VDAC1: variants seen among roughly 807,000 people sequenced by gnomAD.
The protein encoded by VDAC1 is voltage dependent anion channel 1.
In VDAC1, 10 loss-of-function variants were observed where a neutral mutation model predicts 34.7. The observed-to-expected ratio is 0.29, with a 90% CI of 0.18 to 0.49. VDAC1 has a LOEUF of 0.49. Ranked by LOEUF, VDAC1 falls within the 20% of genes least tolerant of loss-of-function variation. The pLI, the probability that VDAC1 is intolerant of heterozygous loss-of-function variation, is 0.99. For missense variants in VDAC1, 230 were observed against 347.9 expected (o/e 0.66, Z 2.69); for synonymous variants, 130 against 136.0 (o/e 0.96, Z 0.30).
At chr5:134,013,560 C>A in the VDAC1 span, among the ~76,000 whole-genome samples, 1 of 152,148 alleles carries the variant, frequency 6.6e-6, no homozygotes, top group Non-Finnish European at 1.5e-5. Context: ...AAAATATTTA[C>A]AAACTACGCA....
At chr5:134,093,662 A>G in the VDAC1 span, among the ~76,000 whole-genome samples, 3 of 152,204 alleles carry the variant, frequency 2.0e-5, no homozygotes, top group Non-Finnish European at 4.4e-5. Flanking sequence ...GCCGGCAGAG[A>G]GAAGCATTCC....
At chr5:134,075,784 A>G in the VDAC1 span, among the ~76,000 whole-genome samples, 1 of 151,756 alleles carries the variant, frequency 6.6e-6, no homozygotes, top group African/African-American at 2.4e-5. Context: ...ACGGGGTTTC[A>G]CCATGTTAGC....
chr5:134,036,260 A>G, the VDAC1 span, among the ~76,000 whole-genome samples: 2 of 152,210 alleles, frequency 1.3e-5, no homozygotes, highest in African/African-American at 4.8e-5. Flanking sequence ...AAGGAGGCAC[A>G]TAAACATCAT....
the VDAC1 span, among the ~76,000 whole-genome samples, chr5:134,027,152 G>T: frequency 1.3e-5 from 2 of 152,166 alleles, no homozygotes; most frequent in Admixed American, 1.3e-4. Context: ...TCTAGCCCAG[G>T]ATATCAACAG....
At chr5:134,016,256 C>A in the VDAC1 span, among the ~76,000 whole-genome samples, 1 of 152,154 alleles carries the variant, frequency 6.6e-6, no homozygotes, top group Non-Finnish European at 1.5e-5. Context: ...AGTGCTGGTA[C>A]CTGTGACGTT....
At chr5:134,091,252 T>C in the VDAC1 span, among the ~76,000 whole-genome samples, 1 of 152,204 alleles carries the variant, frequency 6.6e-6, no homozygotes, top group African/African-American at 2.4e-5. Context: ...GCACGGCTTG[T>C]GCCCTGGAAA....
intron 1 of VDAC1, among the ~76,000 whole-genome samples, chr5:133,993,965 A>G (rs1488873601): frequency 6.6e-6 from 1 of 152,180 alleles, no homozygotes; most frequent in East Asian, 1.9e-4. Flanking sequence ...TGCATGAGAA[A>G]GCCTCATCTC....
At chr5:133,986,787 C>A (rs1426241941) in intron 5 of VDAC1, among the ~76,000 whole-genome samples, 1 of 152,014 alleles carries the variant, frequency 6.6e-6, no homozygotes, top group East Asian at 1.9e-4. Context: ...ACTAGATGAG[C>A]GTGGTACACT....
At chr5:134,074,305 A>AAAATAAAT in the VDAC1 span, among the ~76,000 whole-genome samples, 646 of 136,766 alleles carry the variant, frequency 4.7e-3, 3 homozygotes, top group Non-Finnish European at 7.0e-3. Context: ...ACTCCATCTC[A>AAAATAAAT]AAATAAATAA....
chr5:134,033,768 G>A, the VDAC1 span, among the ~76,000 whole-genome samples: 7 of 151,726 alleles, frequency 4.6e-5, no homozygotes, highest in South Asian at 2.1e-4. Flanking sequence ...CAAGGCGGGC[G>A]GATCACGAGG....
chr5:133,990,705 G>A, intron 5 of VDAC1, 150 bp downstream of exon 5: 1 of 842,562 alleles, frequency 1.2e-6, no homozygotes, highest in East Asian at 2.7e-5. Context: ...CGACCCCTGG[G>A]ACCAAATCAA....
chr5:134,098,678 C>T, the VDAC1 span, among the ~76,000 whole-genome samples: 1 of 152,254 alleles, frequency 6.6e-6, no homozygotes, highest in African/African-American at 2.4e-5. Flanking sequence ...AGGCCTTCTG[C>T]ATGAGCTGGG....
chr5:134,089,624 T>C, the VDAC1 span, among the ~76,000 whole-genome samples: 1 of 152,082 alleles, frequency 6.6e-6, no homozygotes, highest in Non-Finnish European at 1.5e-5. Context: ...GCATGCAGAG[T>C]AGCCAGTTCA....
rs926794313 is a variant in VDAC1, at chr5:133,979,830, G to A, written c.551+899C>T. On this transcript the variant is annotated intron_variant, in intron 6 of 8. Transcript: ENST00000265333. ...CAGAATATAGAACAGTTCCCTCCCC[G>A]AAACTCCCTCAGTCACTGCTTTGTA... Among the ~76,000 whole-genome samples the A allele has an allele frequency of 4.6e-5, 7 of 152,094 alleles. No homozygotes were observed. The South Asian group carries it at 6.2e-4, about 14-fold the overall frequency.
the VDAC1 span, among the ~76,000 whole-genome samples, chr5:134,011,614 A>AAT: frequency 2.7e-5 from 4 of 150,370 alleles, no homozygotes; most frequent in Admixed American, 6.7e-5. Context: ...TGCCCAATGT[A>AAT]ATCCCAAGAA....
chr5:134,083,048 T>C, the VDAC1 span, among the ~76,000 whole-genome samples: 106,990 of 152,098 alleles, frequency 0.7, 40,395 homozygotes, highest in Non-Finnish European at 0.86. Context: ...TATGGTAACC[T>C]TGCAATGGAT....
chr5:134,061,653 G>A, the VDAC1 span, among the ~76,000 whole-genome samples: 31 of 151,654 alleles, frequency 2.0e-4, 1 homozygote, highest in African/African-American at 7.0e-4. Context: ...GATTATAAGC[G>A]AGAGCCACTG....
chr5:134,079,811 C>A, the VDAC1 span, among the ~76,000 whole-genome samples: 1 of 152,200 alleles, frequency 6.6e-6, no homozygotes, highest in Admixed American at 6.5e-5. Context: ...TCAAGGGCCA[C>A]TGATACCCTA....
At chr5:134,041,821 G>T in the VDAC1 span, among the ~76,000 whole-genome samples, 1 of 152,116 alleles carries the variant, frequency 6.6e-6, no homozygotes, top group East Asian at 1.9e-4. Context: ...CCCAGGGTGG[G>T]CTGGCCAGTC....
Sources: allele counts gnomAD v4.1 joint callset (sites outside exome capture counted in the v4.1 genomes callset), GRCh38; gene constraint gnomAD v4.1.1; transcripts MANE v1.5; gene names NCBI Gene and HGNC (gene_info 2026-07-23, HGNC 2026-07-21).